Variants in DROSHA observed in about 807,000 individuals in gnomAD.
DROSHA encodes the protein ribonuclease 3.
Under a neutral mutation model 181.9 loss-of-function variants are expected in DROSHA, and 56 were observed. The observed-to-expected ratio is 0.31, with a 90% CI of 0.25 to 0.38. The LOEUF is 0.38. Ranked by LOEUF, DROSHA falls within the 10% of genes least tolerant of loss-of-function variation. The pLI, the probability that DROSHA is intolerant of heterozygous loss-of-function variation, is 1.00. For missense variants in DROSHA, 1,218 were observed against 1,743.5 expected, an observed-to-expected ratio of 0.70 and a Z score of 5.37; for synonymous variants, 524 against 591.2, an observed-to-expected ratio of 0.89 and a Z score of 1.65.
intron 6 of DROSHA, among the ~76,000 whole-genome samples, chr5:31,520,238 ATT>A (rs1739736801): frequency 6.6e-6 from 1 of 152,078 alleles, no homozygotes; most frequent in African/African-American, 2.4e-5. Flanking sequence ...AAATTTTTTA[ATT>A]TCTTTTCATT....
chr5:31,405,884 G>C lies in DROSHA; in HGVS notation c.3948-161C>G, dbSNP rs1181804820. Among the ~76,000 whole-genome samples, 2 of 143,376 alleles carry C rather than the reference G, an allele frequency of 1.4e-5. 1 individual carries two copies. The highest frequency in any genetic ancestry group is 3.0e-5 in the Non-Finnish European group (2 of 67,024). 94.1% of individuals were successfully genotyped at this position (143,376 alleles called of 152,430 possible). ...CTGATTACTTACAGTGTCACACACT[G>C]AATTGCACAGATAGGAATATACACA... On this transcript the variant is annotated intron_variant, in intron 34 of 35. Coordinates refer to ENST00000344624, the MANE Select transcript of DROSHA (RefSeq NM_001382508.1).
intron 5 of DROSHA, 53 bp from the exon 6 acceptor site, chr5:31,521,268 C>T: frequency 6.3e-7 from 1 of 1,579,352 alleles, no homozygotes; most frequent in Non-Finnish European, 8.7e-7. Flanking sequence ...TCAAAAACAC[C>T]ATCTCTTTTC....
intron 25 of DROSHA, among the ~76,000 whole-genome samples, chr5:31,433,849 G>C (rs555011776): frequency 6.6e-6 from 1 of 152,114 alleles, no homozygotes; most frequent in Non-Finnish European, 1.5e-5. Context: ...CACCACGCCC[G>C]GTATTAGTAC....
chr5:31,509,280 C>T (rs1174588713), intron 9 of DROSHA, among the ~76,000 whole-genome samples: 1 of 147,926 alleles, frequency 6.8e-6, no homozygotes, highest in Non-Finnish European at 1.5e-5. Context: ...TGCTAAGTCA[C>T]AATCTAGTTG....
chr5:31,433,534 C>T (rs1744426305), intron 25 of DROSHA, among the ~76,000 whole-genome samples: 1 of 152,020 alleles, frequency 6.6e-6, no homozygotes, highest in African/African-American at 2.4e-5. Flanking sequence ...TCCATGCACG[C>T]ATTAGCACAA....
rs1741215218 is a variant in DROSHA at position 31,530,779 on chromosome 5, A to G, written c.-47+19T>C. Reference sequence around the variant, plus strand: ...TCCCTCTAGACTTAGTCTATACTTAATCCTTTTACAGCACTTACCAGAGAC... The same window carrying G: ...TCCCTCTAGACTTAGTCTATACTTAGTCCTTTTACAGCACTTACCAGAGAC... On this transcript the variant is annotated intron_variant, in intron 3 of 35. Transcript: ENST00000344624. The G allele has an allele frequency of 7.5e-6, 3 of 398,300 alleles. No homozygotes were observed. Among genetic ancestry groups the G allele is most frequent in the Non-Finnish European group, 8.8e-6 (2 of 225,994 alleles). 24.7% of individuals were successfully genotyped at this position (398,300 alleles called of 1,614,324 possible).
chr5:31,508,565 A>G lies in DROSHA; in HGVS notation c.1587+56T>C, dbSNP rs188492645. ...AACATGTATCTTCTGAGCCCAGAGC[A>G]ATAACCGTTATGTCTGGGTTTGCAA... On this transcript the variant is annotated intron_variant, in intron 10 of 35. Coordinates refer to ENST00000344624, the MANE Select transcript of DROSHA (RefSeq NM_001382508.1). 179 of 1,609,764 alleles carry G rather than the reference A, an allele frequency of 1.1e-4. No homozygotes were observed. The East Asian group carries it at 3.4e-3, about 31-fold the overall frequency.
At chr5:31,460,103 C>T (rs1217843745) in intron 20 of DROSHA, among the ~76,000 whole-genome samples, 3 of 152,268 alleles carry the variant, frequency 2.0e-5, no homozygotes, top group Admixed American at 2.0e-4. Flanking sequence ...GTGTGAAACC[C>T]TATTCTTAAA....
chr5:31,493,725 T>C (rs1268944593), intron 12 of DROSHA, among the ~76,000 whole-genome samples: 3 of 152,088 alleles, frequency 2.0e-5, no homozygotes, highest in African/African-American at 7.2e-5. Flanking sequence ...CCTAGAAGTC[T>C]CTCAAAGGCC....
chr5:31,401,251 C>A lies in DROSHA; in HGVS notation c.*181G>T. The A allele has an allele frequency of 1.3e-6, 1 of 799,992 alleles. No homozygotes were observed. Among genetic ancestry groups the A allele is most frequent in the South Asian group, 1.5e-5 (1 of 66,312 alleles). 49.6% of individuals were successfully genotyped at this position (799,992 alleles called of 1,614,324 possible). ...CGTTAAATAGAAGAAAAATCTAATACTTTGTAATAAAGACCATCCAGCTAA... is the reference window on the plus strand; with the variant it reads ...CGTTAAATAGAAGAAAAATCTAATAATTTGTAATAAAGACCATCCAGCTAA... On this transcript the variant is annotated 3_prime_UTR_variant, in exon 36 of 36. Transcript: ENST00000344624.
chr5:31,415,662 C>T (rs778057740), intron 30 of DROSHA, among the ~76,000 whole-genome samples: 63 of 152,150 alleles, frequency 4.1e-4, no homozygotes, highest in Non-Finnish European at 8.1e-4. Context: ...GGTTCATCAC[C>T]GCTATAGTGC....
intron 10 of DROSHA, among the ~76,000 whole-genome samples, chr5:31,505,471 T>C (rs1737815854): frequency 6.6e-6 from 1 of 152,186 alleles, no homozygotes; most frequent in South Asian, 2.1e-4. Context: ...CATCATGCTC[T>C]GGGCCACAAG....
chr5:31,527,476 C>G (rs1302838236), intron 4 of DROSHA: 1 of 155,606 alleles, frequency 6.4e-6, no homozygotes, highest in African/African-American at 2.4e-5. Context: ...CCTTTACAGT[C>G]AAATGACCTG....
chr5:31,483,072 T>C (rs998125420), intron 16 of DROSHA, among the ~76,000 whole-genome samples: 1 of 152,284 alleles, frequency 6.6e-6, no homozygotes. Flanking sequence ...TTCCCTATAT[T>C]TTATTGGGAG....
chr5:31,510,931 AAAAG>A, intron 9 of DROSHA, 100 bp downstream of exon 9: 4 of 1,407,300 alleles, frequency 2.8e-6, no homozygotes, highest in Non-Finnish European at 2.9e-6. Context: ...AATAAAATGA[AAAAG>A]AAGAAATCTC....
intron 29 of DROSHA, chr5:31,421,929 T>C (rs1164148758): frequency 8.6e-6 from 1 of 115,766 alleles, no homozygotes; most frequent in Non-Finnish European, 1.7e-5. Flanking sequence ...TGTGTGTGTG[T>C]GTGTATATAA....
intron 11 of DROSHA, among the ~76,000 whole-genome samples, chr5:31,498,806 G>A (rs1204699545): frequency 2.7e-5 from 4 of 150,792 alleles, no homozygotes; most frequent in Non-Finnish European, 4.4e-5. Flanking sequence ...GCGGTGAGCC[G>A]AAATCACACC....
chr5:31,487,501 T>C (rs551367072), intron 13 of DROSHA, among the ~76,000 whole-genome samples: 1 of 152,324 alleles, frequency 6.6e-6, no homozygotes, highest in Admixed American at 6.5e-5. Flanking sequence ...CTGCAGAGAA[T>C]TGGCTGGCTA....
In DROSHA at chr5:31,526,921, C is replaced by T. The variant is rs1211205375; in HGVS notation, c.21-9G>A. ...GGAACGACATTCTGTGACTTCATGGCAGAAAAGAAAAAGGGAAAAGTTTTT... is the reference window on the plus strand; with the variant it reads ...GGAACGACATTCTGTGACTTCATGGTAGAAAAGAAAAAGGGAAAAGTTTTT... On this transcript the variant is annotated splice_polypyrimidine_tract_variant and intron_variant, in intron 4 of 35. Coordinates refer to ENST00000344624, the MANE Select transcript of DROSHA (RefSeq NM_001382508.1). The T allele has an allele frequency of 6.2e-7, 1 of 1,602,120 alleles. No homozygotes were observed. Among genetic ancestry groups the T allele is most frequent in the South Asian group, 1.1e-5 (1 of 89,262 alleles).
Sources: allele counts gnomAD v4.1 joint callset (sites outside exome capture counted in the v4.1 genomes callset), GRCh38; gene constraint gnomAD v4.1.1; transcripts MANE v1.5; gene names NCBI Gene and HGNC (gene_info 2026-07-23, HGNC 2026-07-21).